Variants in GRAMD4 observed in about 807,000 individuals in gnomAD.
GRAMD4 encodes GRAM domain containing 4.
Under a neutral mutation model 83.9 loss-of-function variants are expected in GRAMD4, and 25 were observed. The observed-to-expected ratio is 0.30, with a 90% confidence interval of 0.22 to 0.42. The LOEUF is 0.42. GRAMD4 is among the 10% of genes least tolerant of loss of function. The pLI is 1.00. For synonymous variants in GRAMD4, 336 were observed against 320.9 expected (o/e 1.05, Z -0.50); for missense variants, 593 against 788.7 (o/e 0.75, Z 2.97).
chr22:46,654,831 C>T (rs1280123135), intron 3 of GRAMD4, among the ~76,000 whole-genome samples: 1 of 152,210 alleles, frequency 6.6e-6, no homozygotes, highest in South Asian at 2.1e-4. Context: ...CCTCCGGAAC[C>T]TGTGGGGTGT....
rs114926631 is a variant in GRAMD4, at chr22:46,580,205, G to A, written c.-50+2915G>A. Among the ~76,000 whole-genome samples the A allele has an allele frequency of 5.5e-3, 844 of 152,370 alleles. 6 individuals are homozygous for A. The highest frequency in any genetic ancestry group is 0.019 in the African/African-American group (770 of 41,592). On this transcript the variant is annotated intron_variant, in intron 1 of 1. Transcript: ENST00000431155. ...GGGTTTAGTGAGTAACAGGCAGAAG[G>A]CAGAGGGTGCTCGCTGGGAAGCAGC...
intron 1 of GRAMD4, among the ~76,000 whole-genome samples, chr22:46,595,842 C>G (rs183634173): frequency 6.6e-6 from 1 of 152,362 alleles, no homozygotes; most frequent in Admixed American, 6.5e-5. Context: ...TCCAGATCCC[C>G]GGCCTTAACA....
rs1000026786 is a variant in GRAMD4, at chr22:46,659,531, G to A, written c.404+1224G>A. Among the ~76,000 whole-genome samples the A allele has an allele frequency of 2.0e-5, 3 of 152,236 alleles. No homozygotes were observed. The highest frequency in any genetic ancestry group is 1.9e-4 in the East Asian group (1 of 5,194). On this transcript the variant is annotated intron_variant, in intron 4 of 18. Coordinates refer to ENST00000406902, the MANE Select transcript of GRAMD4 (RefSeq NM_015124.5). The surrounding 1 kb of genome is among the most constrained non-coding windows in gnomAD (Gnocchi z 4.1). ...GAGCACTGCCTGCTATGAGCGCTCC[G>A]GGGGCCGTGTGTCATTGTCAGGACT...
Position 46,678,091 on chromosome 22 carries a change from G to A in GRAMD4, c.*840G>A. ...CTTTCTCACACTTTGCTCTTTGGAA[G>A]GCCCAGGAGAACATCCGCGAAGGCT... is the stretch of plus-strand genomic sequence containing the variant. On this transcript the variant is annotated 3_prime_UTR_variant, in exon 19 of 19. Transcript: ENST00000406902. 1.0e-6 allele frequency: 1 copy of A among 985,580 alleles called. No individual in the cohort carries two copies. Among genetic ancestry groups the A allele is most frequent in the Non-Finnish European group, 1.2e-6 (1 of 830,012 alleles). The allele number at this position is 985,580 out of a possible 1,614,324, so 61.1% of individuals were successfully genotyped here.
At position 46,657,570 on chromosome 22, in the gene GRAMD4, T is replaced by C. The variant is rs1281689312; in HGVS notation, c.284-617T>C. ...TCTGACCCTGCCTCCTCCCTCTGCC[T>C]GGATGCTCTTTCCCAGGGTCTGTGG... On this transcript the variant is annotated intron_variant, in intron 3 of 18. Coordinates refer to ENST00000406902, the MANE Select transcript of GRAMD4 (RefSeq NM_015124.5). Among the ~76,000 whole-genome samples the C allele has an allele frequency of 4.6e-5, 7 of 152,318 alleles. 1 individual carries two copies. The East Asian group carries it at 1.4e-3, about 29-fold the overall frequency.
At chr22:46,638,239 C>A (rs183319919) in intron 3 of GRAMD4, among the ~76,000 whole-genome samples, 1 of 152,164 alleles carries the variant, frequency 6.6e-6, no homozygotes, top group Admixed American at 6.5e-5. Flanking sequence ...CTTTCCCCTG[C>A]GGGGTAAAGG....
At chr22:46,662,919 T>C in intron 5 of GRAMD4, 121 bp from the exon 6 acceptor site, 3 of 865,546 alleles carry the variant, frequency 3.5e-6, no homozygotes, top group South Asian at 3.4e-5. Flanking sequence ...CGAGCATTCC[T>C]TGTGCCTCTG....
intron 1 of GRAMD4, among the ~76,000 whole-genome samples, chr22:46,595,149 G>A (rs988823099): frequency 4.6e-5 from 7 of 152,128 alleles, no homozygotes; most frequent in Admixed American, 4.6e-4. Flanking sequence ...CACACAGGGT[G>A]GGGGAAGTGA....
Position 46,661,494 on chromosome 22 carries a change from C to T in GRAMD4, c.466+52C>T, listed in dbSNP as rs370384195. 6.3e-4 allele frequency: 771 copies of T among 1,227,354 alleles called. 1 individual carries two copies. Among genetic ancestry groups the T allele is most frequent in the Non-Finnish European group, 8.3e-4 (696 of 840,084 alleles). The allele number at this position is 1,227,354 out of a possible 1,614,324, so 76.0% of individuals were successfully genotyped here. The stretch of plus-strand genomic sequence containing the variant: ...GCAGGCGGGCGGGTGGGTGGCTGCG[C>T]GTCACCTGCTGGTTCTGTAGGCCCA... On this transcript the variant is annotated intron_variant, in intron 5 of 18. Coordinates refer to ENST00000406902, the MANE Select transcript of GRAMD4 (RefSeq NM_015124.5).
chr22:46,585,211 A>G (rs1399480940), intron 1 of GRAMD4, among the ~76,000 whole-genome samples: 26 of 137,204 alleles, frequency 1.9e-4, no homozygotes, highest in African/African-American at 7.1e-4. Context: ...TTTTTTTTAG[A>G]TGGAGTTTTG....
chr22:46,664,171 T>C lies in GRAMD4; in HGVS notation c.717+54T>C. On this transcript the variant is annotated intron_variant, in intron 8 of 18. Transcript: ENST00000406902. ...GGTGGGTGGGATGTGCCTGCCAGCA[T>C]TCACCACATGATCAGGCACCTTCCC... The C allele has an allele frequency of 3.1e-6, 4 of 1,280,550 alleles. 1 individual carries two copies. In the South Asian group the frequency reaches 4.7e-5, roughly 15 times the overall value. 79.3% of individuals were successfully genotyped at this position (1,280,550 alleles called of 1,614,324 possible).
chr22:46,676,806 G>A (rs986659656), intron 18 of GRAMD4, 138 bp downstream of exon 18: 19 of 785,778 alleles, frequency 2.4e-5, no homozygotes, highest in African/African-American at 1.0e-4. Context: ...CCCCTCCCTC[G>A]CAGCAGCTAG....
chr22:46,584,282 G>A (rs1256273238), intron 1 of GRAMD4, among the ~76,000 whole-genome samples: 2 of 152,024 alleles, frequency 1.3e-5, no homozygotes, highest in Admixed American at 6.5e-5. Context: ...TGGCGGGTAC[G>A]CTCATCACTA....
In GRAMD4 at chr22:46,673,688, C is replaced by T. The variant is rs2082548968; in HGVS notation, c.1258C>T (p.Arg420Trp). The change falls in exon 15 of 19, where the codon CGG becomes TGG. Residue 420 changes from arginine to tryptophan, a missense_variant. By Grantham distance (101) the Arg-to-Trp change is moderately radical. Around this residue, in one of 4 missense-constraint regions of GRAMD4, gnomAD observed 171 missense variants for 199.6 expected, o/e 0.86. Transcript: ENST00000406902. ...VSRRLQTTSS[R>W]SYVPSAPAGL... ...TTGGCAGCTGCAGACGACCTCGTCA[C>T]GGAGCTACGTACCCAGCGCACCGGC... 4 of 1,612,064 alleles carry T rather than the reference C, an allele frequency of 2.5e-6. No individual in the cohort carries two copies. Among genetic ancestry groups the T allele is most frequent in the African/African-American group, 1.3e-5 (1 of 74,916 alleles).
intron 3 of GRAMD4, among the ~76,000 whole-genome samples, chr22:46,649,385 T>A (rs1430671767): frequency 6.6e-6 from 1 of 152,196 alleles, no homozygotes; most frequent in Non-Finnish European, 1.5e-5. Flanking sequence ...CCTGGCTCCG[T>A]GCTGGGCCGG....
chr22:46,668,324 G>A (rs1462345201), intron 11 of GRAMD4, among the ~76,000 whole-genome samples, 157 bp downstream of exon 11: 1 of 152,190 alleles, frequency 6.6e-6, no homozygotes, highest in Non-Finnish European at 1.5e-5. Flanking sequence ...TCCGCGGTCA[G>A]CTGACTTGTA....
At chr22:46,630,693 C>T (rs1051226811) in intron 2 of GRAMD4, among the ~76,000 whole-genome samples, 6 of 152,204 alleles carry the variant, frequency 3.9e-5, no homozygotes, top group African/African-American at 4.8e-5. Flanking sequence ...CTGGGATGTT[C>T]GTCACTTCAG....
intron 1 of GRAMD4, among the ~76,000 whole-genome samples, chr22:46,600,401 C>T (rs139616236): frequency 6.6e-6 from 1 of 152,186 alleles, no homozygotes; most frequent in Non-Finnish European, 1.5e-5. Context: ...GCTGGTCTCC[C>T]CTTCTTCTGA....
intron 3 of GRAMD4, among the ~76,000 whole-genome samples, chr22:46,647,397 G>C (rs976974407): frequency 2.6e-5 from 4 of 152,178 alleles, no homozygotes; most frequent in African/African-American, 9.7e-5. Flanking sequence ...CATTGCCCAG[G>C]ACAGATCTTT....
Sources: gnomAD v4.1 joint callset for allele counts (sites outside exome capture counted in the v4.1 genomes callset) on GRCh38, gnomAD v4.1.1 for gene constraint, gnomAD v4.1.1 regional missense constraint, Gnocchi (gnomAD v3.1) non-coding constraint, MANE v1.5 for transcripts, NCBI Gene and HGNC (gene_info 2026-07-23, HGNC 2026-07-21) for gene names.